HIVEP2: variants seen among roughly 807,000 people sequenced by gnomAD.
HIVEP2 encodes the protein HIVEP zinc finger 2.
HIVEP2 carries 14 observed loss-of-function variants against 180.7 expected under a neutral mutation model. The ratio of observed to expected loss-of-function variants is 0.08; its 90% CI spans 0.05 to 0.12. The LOEUF is 0.12. Ranked by LOEUF, HIVEP2 falls within the 10% of genes least tolerant of loss-of-function variation. The probability of loss-of-function intolerance (pLI) is 1.00; values close to 1 mark genes in which losing one functional copy is unlikely to be tolerated. For synonymous variants in HIVEP2, 1,184 were observed against 1,136.4 expected (o/e 1.04, Z -0.84); for missense variants, 2,579 against 3,008.5 (o/e 0.86, Z 3.34).
intron 1 of HIVEP2, among the ~76,000 whole-genome samples, chr6:142,911,403 C>CCATAGT (rs548441364): frequency 2.5e-3 from 374 of 152,228 alleles, no homozygotes; most frequent in African/African-American, 7.9e-3. Context: ...TCTCTTGGTA[C>CCATAGT]CATAGTCAAC....
intron 5 of HIVEP2, among the ~76,000 whole-genome samples, chr6:142,769,025 G>A (rs1228605512): frequency 6.7e-6 from 1 of 148,876 alleles, no homozygotes; most frequent in Non-Finnish European, 1.5e-5. Flanking sequence ...GGAAGGCATT[G>A]ATGGTTCTTG....
chr6:142,811,304 G>A (rs1776692438), intron 2 of HIVEP2, among the ~76,000 whole-genome samples: 1 of 152,140 alleles, frequency 6.6e-6, no homozygotes, highest in South Asian at 2.1e-4. Flanking sequence ...CATTAAAAAT[G>A]CAACACATGC....
chr6:142,778,680 A>C (rs999225583), intron 3 of HIVEP2, among the ~76,000 whole-genome samples: 5 of 152,172 alleles, frequency 3.3e-5, no homozygotes, highest in Non-Finnish European at 7.3e-5. Context: ...CTCTATGCTA[A>C]GGGTATTATT....
chr6:142,912,338 T>C (rs1004107068), intron 1 of HIVEP2, among the ~76,000 whole-genome samples: 1 of 152,210 alleles, frequency 6.6e-6, no homozygotes, highest in African/African-American at 2.4e-5. Context: ...CACATGCTAA[T>C]AACAGTGATC....
At chr6:142,849,049 A>G (rs775973149) in intron 1 of HIVEP2, among the ~76,000 whole-genome samples, 17 of 152,218 alleles carry the variant, frequency 1.1e-4, no homozygotes, top group Non-Finnish European at 2.2e-4. Context: ...TTCAATATCT[A>G]TAATTTGCTA....
At chr6:142,823,677 T>G (rs1400404302) in intron 2 of HIVEP2, among the ~76,000 whole-genome samples, 1 of 152,230 alleles carries the variant, frequency 6.6e-6, no homozygotes, top group Non-Finnish European at 1.5e-5. Flanking sequence ...TTGGAACAAT[T>G]GCACATGGCA....
chr6:142,917,119 C>A (rs756454492), intron 1 of HIVEP2, among the ~76,000 whole-genome samples: 6 of 152,178 alleles, frequency 3.9e-5, no homozygotes, highest in Non-Finnish European at 7.4e-5. Flanking sequence ...TCCAAAATTT[C>A]AAAGGTGATT....
Position 142,772,412 on chromosome 6 carries a change from T to G in HIVEP2, c.2327A>C (p.Glu776Ala), listed in dbSNP as rs1775571842. 1 of 1,614,094 alleles carries G rather than the reference T, an allele frequency of 6.2e-7. No individual in the cohort carries two copies. Among genetic ancestry groups the G allele is most frequent in the African/African-American group, 1.3e-5 (1 of 74,938 alleles). The change falls in exon 5 of 10, where the codon GAG (glutamate) becomes GCG (alanine). Residue 776 changes from glutamate to alanine, a missense_variant. Glu to Ala is a moderately radical substitution (Grantham distance 107). Coordinates refer to ENST00000367603, the MANE Select transcript of HIVEP2 (RefSeq NM_006734.4). The surrounding 1 kb of genome is among the most constrained non-coding windows in gnomAD (Gnocchi z 4.9). ...GTCTGAATCAATGGCTGAAGGTGACTCCTCTGACACAAGAGATGGACTTCC... is the reference window on the plus strand; with the variant it reads ...GTCTGAATCAATGGCTGAAGGTGACGCCTCTGACACAAGAGATGGACTTCC... ...QPGSPSLVSEESPSAIDSDKM... is the reference protein window; with the variant it reads ...QPGSPSLVSEASPSAIDSDKM...
rs1010326237 is a variant in HIVEP2, at chr6:142,862,490, G to A, written c.-640-25443C>T. 9.5e-4 allele frequency among the ~76,000 whole-genome samples: 98 copies of A among 103,088 alleles called. 1 individual carries two copies. Among genetic ancestry groups the A allele is most frequent in the Non-Finnish European group, 1.8e-4 (10 of 54,642 alleles). The allele number at this position is 103,088 out of a possible 152,430, so 67.6% of individuals were successfully genotyped here. Reference sequence around the variant, plus strand: ...CATATATTTTATAATACATATAATCGATTATATGTATCATATATTTTATAA... The same window carrying A: ...CATATATTTTATAATACATATAATCAATTATATGTATCATATATTTTATAA... On this transcript the variant is annotated intron_variant, in intron 1 of 9. Coordinates refer to ENST00000367603, the MANE Select transcript of HIVEP2 (RefSeq NM_006734.4).
At chr6:142,783,326 C>CAAAAAAAAAAAAAAAAAAA (rs567202980) in intron 3 of HIVEP2, among the ~76,000 whole-genome samples, 195 bp downstream of exon 3, 1 of 71,070 alleles carries the variant, frequency 1.4e-5, no homozygotes, top group African/African-American at 5.7e-5. Flanking sequence ...GACTCCGTCA[C>CAAAAAAAAAAAAAAAAAAA]AAAAAAAAAA....
chr6:142,893,931 C>T (rs922014801), intron 1 of HIVEP2, among the ~76,000 whole-genome samples: 2 of 152,072 alleles, frequency 1.3e-5, no homozygotes, highest in African/African-American at 4.8e-5. Flanking sequence ...AATCCACAAG[C>T]CCCATATTAC....
At chr6:142,910,479 G>A (rs776343168) in intron 1 of HIVEP2, among the ~76,000 whole-genome samples, 8 of 152,342 alleles carry the variant, frequency 5.3e-5, no homozygotes, top group Non-Finnish European at 7.3e-5. Context: ...GCGCATGCCT[G>A]TAGTCCCAGC....
At position 142,760,257 on chromosome 6, in the gene HIVEP2, G is replaced by A. The variant is rs771864638; in HGVS notation, c.6031C>T (p.Pro2011Ser). 1.2e-6 allele frequency: 2 copies of A among 1,614,138 alleles called. No homozygotes were observed. Among genetic ancestry groups the A allele is most frequent in the South Asian group, 2.2e-5 (2 of 91,072 alleles). The change falls in exon 9 of 10, where the codon CCA becomes TCA. Residue 2011 changes from proline (P) to serine (S), a missense_variant. By Grantham distance (74) the Pro-to-Ser change is moderately conservative. Coordinates refer to ENST00000367603, the MANE Select transcript of HIVEP2 (RefSeq NM_006734.4). ...GGTATGTCCAATCTGTCTTTGTCTG[G>A]TTCTGAGTCCGTACTTTTGCTCTGG... is the stretch of plus-strand genomic sequence containing the variant. ...LFQSKSTDSE[P>S]DKDRLDIPSC... is the part of the protein sequence containing the mutation.
chr6:142,835,411 G>C (rs887996189), intron 2 of HIVEP2, among the ~76,000 whole-genome samples: 4 of 151,974 alleles, frequency 2.6e-5, no homozygotes, highest in African/African-American at 9.7e-5. Flanking sequence ...TTAACACTTA[G>C]GATACTTTGG....
chr6:142,903,775 T>C (rs1047128019), intron 1 of HIVEP2, among the ~76,000 whole-genome samples: 1 of 152,148 alleles, frequency 6.6e-6, no homozygotes, highest in African/African-American at 2.4e-5. Flanking sequence ...TCAACAAGGA[T>C]GTCTTCTTAG....
chr6:142,924,641 CAGT>C (rs1777762306), intron 1 of HIVEP2, among the ~76,000 whole-genome samples: 4 of 152,294 alleles, frequency 2.6e-5, no homozygotes, highest in Admixed American at 6.5e-5. Context: ...AATTTTTCTG[CAGT>C]ACAAAAGGTG....
intron 2 of HIVEP2, among the ~76,000 whole-genome samples, chr6:142,797,147 T>C (rs1359024836): frequency 6.6e-6 from 1 of 152,166 alleles, no homozygotes; most frequent in African/African-American, 2.4e-5. Context: ...ACCTAACTTT[T>C]TCTTTTTTTG....
chr6:142,762,940 T>C (rs1323821381), intron 7 of HIVEP2, among the ~76,000 whole-genome samples: 2 of 152,194 alleles, frequency 1.3e-5, no homozygotes, highest in African/African-American at 4.8e-5. Context: ...TATAGACATA[T>C]CAAGAATGCT....
At chr6:142,907,467 G>C (rs1777294613) in intron 1 of HIVEP2, among the ~76,000 whole-genome samples, 1 of 152,132 alleles carries the variant, frequency 6.6e-6, no homozygotes, top group Non-Finnish European at 1.5e-5. Flanking sequence ...CAATAAAACA[G>C]TACCAGATAG....
Sources: gnomAD v4.1 joint callset for allele counts (sites outside exome capture counted in the v4.1 genomes callset) on GRCh38, gnomAD v4.1.1 for gene constraint, Gnocchi (gnomAD v3.1) non-coding constraint, MANE v1.5 for transcripts, NCBI Gene and HGNC (gene_info 2026-07-23, HGNC 2026-07-21) for gene names.